The following DOCK4 variants were observed in gnomAD, a reference collection of about 807,000 sequenced individuals.
The protein encoded by DOCK4 is dedicator of cytokinesis protein 4.
A neutral mutation model predicts 268.1 loss-of-function variants in DOCK4; 97 were observed. That is an observed-to-expected ratio of 0.36 (90% CI 0.31 to 0.43). The LOEUF is 0.43. Ranked by LOEUF, DOCK4 falls within the 20% of genes least tolerant of loss-of-function variation. The pLI is 1.00. For synonymous variants in DOCK4, 954 were observed against 887.2 expected (o/e 1.08, Z -1.34); for missense variants, 2,145 against 2,455.7 (o/e 0.87, Z 2.67).
rs796074811 is a variant in DOCK4, at chr7:111,917,147, C to T, written c.1067-1243G>A. ...GGACTACAGGCGTCCGCCATCACAC[C>T]CAGCTAATTTTTGTGTTTTTCGTAG... is the stretch of plus-strand genomic sequence containing the variant. On this transcript the variant is annotated intron_variant, in intron 12 of 52. Coordinates refer to ENST00000428084, the MANE Select transcript of DOCK4 (RefSeq NM_001363540.2). 6.3e-4 allele frequency among the ~76,000 whole-genome samples: 96 copies of T among 151,942 alleles called. 2 individuals are homozygous for T. Among genetic ancestry groups the T allele is most frequent in the African/African-American group, 2.1e-3 (89 of 41,462 alleles).
rs76434658 is a variant in DOCK4 at position 112,132,375 on chromosome 7, A to T, written c.37+73727T>A. On this transcript the variant is annotated intron_variant, in intron 1 of 52. Coordinates refer to ENST00000428084, the MANE Select transcript of DOCK4 (RefSeq NM_001363540.2). Reference sequence around the variant, plus strand: ...GATGTCTAGGTATCACAAACAAAAGAGTGGAAATTAACCAGGAAAAATCTG... The same window carrying T: ...GATGTCTAGGTATCACAAACAAAAGTGTGGAAATTAACCAGGAAAAATCTG... Among the ~76,000 whole-genome samples, 89 of 152,272 alleles carry T rather than the reference A, an allele frequency of 5.8e-4. No homozygotes were observed. In the East Asian group the frequency reaches 0.015, roughly 26 times the overall value.
At chr7:112,004,571 G>T (rs549961076) in intron 1 of DOCK4, among the ~76,000 whole-genome samples, 71 of 152,264 alleles carry the variant, frequency 4.7e-4, no homozygotes, top group African/African-American at 1.7e-3. Flanking sequence ...TTACCTTTCT[G>T]CTATATTGTT....
At chr7:112,140,395 A>C (rs901703722) in intron 1 of DOCK4, among the ~76,000 whole-genome samples, 13 of 152,176 alleles carry the variant, frequency 8.5e-5, no homozygotes, top group African/African-American at 2.9e-4. Context: ...GTTCCACACA[A>C]AAACATGCTT....
At chr7:112,012,826 C>T (rs946532549) in intron 1 of DOCK4, among the ~76,000 whole-genome samples, 1 of 151,988 alleles carries the variant, frequency 6.6e-6, no homozygotes, top group Admixed American at 6.6e-5. Context: ...TTATATCCCT[C>T]TGTTCCTTTT....
chr7:111,971,669 GC>G, intron 8 of DOCK4: 1 of 246,946 alleles, frequency 4.0e-6, no homozygotes, highest in Admixed American at 5.5e-5. Flanking sequence ...CTCAGCCTGG[GC>G]CAACAGCCTC....
chr7:112,111,002 T>C (rs956313040), intron 1 of DOCK4, among the ~76,000 whole-genome samples: 1 of 152,230 alleles, frequency 6.6e-6, no homozygotes, highest in Admixed American at 6.5e-5. Flanking sequence ...GCCCCTTGGA[T>C]GTCCACCCTT....
rs534737051 is a variant in DOCK4, at chr7:111,880,943, A to T, written c.1588-3757T>A. Among the ~76,000 whole-genome samples, 4 of 152,334 alleles carry T rather than the reference A, an allele frequency of 2.6e-5. No homozygotes were observed. The East Asian group carries it at 7.7e-4, about 29-fold the overall frequency. ...AAAAATCAAATCAAAATGGATTAAA[A>T]ATTAAATCTAAGACCTCAAACTATG... On this transcript the variant is annotated intron_variant, in intron 16 of 52. Coordinates refer to ENST00000428084, the MANE Select transcript of DOCK4 (RefSeq NM_001363540.2).
intron 44 of DOCK4, among the ~76,000 whole-genome samples, chr7:111,743,055 A>G (rs532878325): frequency 6.6e-6 from 1 of 152,296 alleles, no homozygotes; most frequent in South Asian, 2.1e-4. Flanking sequence ...TTCACTTATA[A>G]TTCAACGAGA....
chr7:111,915,978 A>C, intron 12 of DOCK4, 74 bp from the exon 13 acceptor site: 8 of 1,490,312 alleles, frequency 5.4e-6, no homozygotes, highest in Non-Finnish European at 7.3e-6. Context: ...GTGTTGCAAC[A>C]AGCCCAAATT....
intron 1 of DOCK4, among the ~76,000 whole-genome samples, chr7:112,059,371 T>C (rs1806162908): frequency 6.6e-6 from 1 of 152,090 alleles, no homozygotes; most frequent in Admixed American, 6.6e-5. Context: ...CTTGAACTCC[T>C]GTCTTCGTGA....
intron 26 of DOCK4, among the ~76,000 whole-genome samples, chr7:111,831,605 C>G (rs978010208): frequency 6.6e-6 from 1 of 152,000 alleles, no homozygotes; most frequent in Non-Finnish European, 1.5e-5. Flanking sequence ...CCATCTGACC[C>G]TCTTGAGTAG....
At chr7:112,021,947 G>A (rs1156768528) in intron 1 of DOCK4, among the ~76,000 whole-genome samples, 1 of 152,102 alleles carries the variant, frequency 6.6e-6, no homozygotes, top group Non-Finnish European at 1.5e-5. Flanking sequence ...CATACTAAAT[G>A]CTATGTTGAA....
intron 36 of DOCK4, among the ~76,000 whole-genome samples, chr7:111,770,983 C>T (rs1798091451): frequency 6.6e-6 from 1 of 152,234 alleles, no homozygotes; most frequent in African/African-American, 2.4e-5. Context: ...CTTATACAAT[C>T]TCCTGGTTCA....
At chr7:111,830,100 C>G (rs1208437981) in intron 26 of DOCK4, among the ~76,000 whole-genome samples, 1 of 152,008 alleles carries the variant, frequency 6.6e-6, no homozygotes, top group East Asian at 1.9e-4. Context: ...TGGTTTTAAA[C>G]AAAATTGAGC....
chr7:112,174,895 G>C (rs1180453782), intron 1 of DOCK4, among the ~76,000 whole-genome samples: 1 of 149,622 alleles, frequency 6.7e-6, no homozygotes, highest in Admixed American at 6.7e-5. Flanking sequence ...TTTTGTTTTT[G>C]CATGCTTACT....
chr7:111,855,312 G>T (rs1416690601), intron 23 of DOCK4, among the ~76,000 whole-genome samples: 1 of 152,132 alleles, frequency 6.6e-6, no homozygotes, highest in African/African-American at 2.4e-5. Context: ...AGTGCAGCTG[G>T]ACTAGAGAGG....
At chr7:111,737,888 C>CAGAT (rs1212885097) in intron 49 of DOCK4, among the ~76,000 whole-genome samples, 1 of 152,158 alleles carries the variant, frequency 6.6e-6, no homozygotes, top group African/African-American at 2.4e-5. Flanking sequence ...CAAATGCACT[C>CAGAT]AGATATAATT....
intron 1 of DOCK4, among the ~76,000 whole-genome samples, chr7:112,085,137 C>G (rs1808958842): frequency 6.6e-6 from 1 of 152,064 alleles, no homozygotes; most frequent in Non-Finnish European, 1.5e-5. Flanking sequence ...AATCTTTTCT[C>G]CTCAAAATGA....
At position 111,944,906 on chromosome 7, in the gene DOCK4, C is replaced by G. The variant is rs759811159; in HGVS notation, c.784-35G>C. ...AAGAAAGTTTGGTTATTTTGGAAGA[C>G]ATGAGCGGCACTTAAAGGGCATAGC... On this transcript the variant is annotated intron_variant, in intron 9 of 52. Coordinates refer to ENST00000428084, the MANE Select transcript of DOCK4 (RefSeq NM_001363540.2). 47 of 1,595,800 alleles carry G rather than the reference C, an allele frequency of 2.9e-5. No homozygotes were observed. The Admixed American group carries it at 7.8e-4, about 27-fold the overall frequency.
Sources: allele counts gnomAD v4.1 joint callset (sites outside exome capture counted in the v4.1 genomes callset), GRCh38; gene constraint gnomAD v4.1.1; transcripts MANE v1.5; gene names NCBI Gene and HGNC (gene_info 2026-07-23, HGNC 2026-07-21).